Variants in GRIK1 observed in about 807,000 individuals in gnomAD.
The protein encoded by GRIK1 is glutamate receptor ionotropic, kainate 1.
GRIK1 carries 69 observed loss-of-function variants against 105.7 expected under a neutral mutation model. The observed-to-expected ratio is 0.65, with a 90% CI of 0.54 to 0.80. The LOEUF (loss-of-function observed/expected upper bound fraction) is 0.80. Among genes scored for constraint, GRIK1 ranks in the 30% least tolerant of loss-of-function variants. The pLI is 0.00. For missense variants in GRIK1, 1,109 were observed against 1,167.3 expected, an observed-to-expected ratio of 0.95 and a Z score of 0.73; for synonymous variants, 438 against 431.3, an observed-to-expected ratio of 1.02 and a Z score of -0.19.
chr21:29,818,092 C>T (rs2067201331), intron 1 of GRIK1, among the ~76,000 whole-genome samples: 1 of 152,032 alleles, frequency 6.6e-6, no homozygotes, highest in Non-Finnish European at 1.5e-5. Context: ...ACATGGTGTA[C>T]TGCATTCTAA....
intron 1 of GRIK1, among the ~76,000 whole-genome samples, chr21:29,847,232 T>C (rs924921801): frequency 3.3e-5 from 5 of 152,314 alleles, no homozygotes; most frequent in African/African-American, 9.6e-5. Flanking sequence ...TATTTTGCCT[T>C]CCTGCCTCTC....
rs557748766 is a variant in GRIK1, at chr21:29,777,708, G to A, written c.119-83645C>T. 1.2e-4 allele frequency among the ~76,000 whole-genome samples: 18 copies of A among 152,304 alleles called. No individual in the cohort carries two copies. The South Asian group carries it at 1.5e-3, about 12-fold the overall frequency. On this transcript the variant is annotated intron_variant, in intron 1 of 17. Transcript: ENST00000327783. Reference sequence around the variant, plus strand: ...ATGGCAGCACGCTGAAGGACGTTAAGTACAGGGATAACACGATCTGATCCT... The same window carrying A: ...ATGGCAGCACGCTGAAGGACGTTAAATACAGGGATAACACGATCTGATCCT...
chr21:29,731,543 A>G (rs1220336812), intron 1 of GRIK1, among the ~76,000 whole-genome samples: 1 of 152,192 alleles, frequency 6.6e-6, no homozygotes, highest in East Asian at 1.9e-4. Flanking sequence ...ATTCTTGTCT[A>G]TAGCTGATCT....
At chr21:29,575,411 A>G (rs2090866195) in intron 14 of GRIK1, among the ~76,000 whole-genome samples, 2 of 152,234 alleles carry the variant, frequency 1.3e-5, no homozygotes, top group Admixed American at 6.5e-5. Context: ...CCCTATATCC[A>G]TCTAACAAAA....
Position 29,689,673 on chromosome 21 carries a change from G to A in GRIK1, c.544+55C>T, listed in dbSNP as rs1198323408. 25 of 1,534,358 alleles carry A rather than the reference G, an allele frequency of 1.6e-5. No individual in the cohort carries two copies. The South Asian group carries it at 1.7e-4, about 10-fold the overall frequency. ...AGTTTAATGACTATTTGATACTTTC[G>A]TTCTGTTTGTTCAGAGCAGACATGG... On this transcript the variant is annotated intron_variant, in intron 3 of 17. Transcript: ENST00000327783.
chr21:29,893,997 C>G (rs1445681957), intron 1 of GRIK1, among the ~76,000 whole-genome samples: 2 of 152,034 alleles, frequency 1.3e-5, no homozygotes, highest in African/African-American at 4.8e-5. Context: ...AGGGCAGGTG[C>G]TAGGTTAGAG....
chr21:29,648,789 C>T (rs755916555), intron 6 of GRIK1, among the ~76,000 whole-genome samples: 11 of 152,050 alleles, frequency 7.2e-5, no homozygotes, highest in Non-Finnish European at 1.5e-4. Flanking sequence ...GATGGTGATT[C>T]ATGGAGGCTC....
intron 1 of GRIK1, among the ~76,000 whole-genome samples, chr21:29,906,518 T>C (rs1409154867): frequency 6.6e-6 from 1 of 152,218 alleles, no homozygotes; most frequent in Admixed American, 6.5e-5. Flanking sequence ...TTTCATCTGT[T>C]TACTGAGTTA....
intron 1 of GRIK1, among the ~76,000 whole-genome samples, chr21:29,876,308 G>A (rs1329933703): frequency 6.6e-6 from 1 of 151,946 alleles, no homozygotes. Flanking sequence ...GGCATGCACT[G>A]AGTAATCAGT....
rs143616304 is a variant in GRIK1, at chr21:29,908,451, T to A, written c.118+30932A>T. ...GGTGCTCTTCTTAGAGCTGGCCAAA[T>A]CTTCAGCACGGTGGAAAGGAAGCCG... On this transcript the variant is annotated intron_variant, in intron 1 of 17. Transcript: ENST00000327783. Among the ~76,000 whole-genome samples, 5 of 152,266 alleles carry A rather than the reference T, an allele frequency of 3.3e-5. No homozygotes were observed. The East Asian group carries it at 9.7e-4, about 29-fold the overall frequency.
intron 1 of GRIK1, among the ~76,000 whole-genome samples, chr21:29,696,509 G>A (rs1287247376): frequency 6.6e-6 from 1 of 152,210 alleles, no homozygotes; most frequent in African/African-American, 2.4e-5. Flanking sequence ...TCAACAGTGA[G>A]GTGACAAGAT....
intron 11 of GRIK1, 143 bp from the exon 12 acceptor site, chr21:29,587,732 A>AG: frequency 1.7e-6 from 1 of 605,438 alleles, no homozygotes; most frequent in Non-Finnish European, 2.9e-6. Flanking sequence ...TCTAATAAAA[A>AG]AAAGCCAATT....
chr21:29,711,395 A>T (rs552138177), intron 1 of GRIK1, among the ~76,000 whole-genome samples: 2 of 152,270 alleles, frequency 1.3e-5, no homozygotes, highest in African/African-American at 4.8e-5. Flanking sequence ...GTAATAAGCT[A>T]TGATGTTTGC....
intron 1 of GRIK1, among the ~76,000 whole-genome samples, chr21:29,743,068 T>A (rs1337223509): frequency 6.6e-6 from 1 of 151,936 alleles, no homozygotes; most frequent in Non-Finnish European, 1.5e-5. Context: ...TGTTCTTAGA[T>A]ATTTCTGCAT....
chr21:29,725,844 C>T (rs2064443615), intron 1 of GRIK1, among the ~76,000 whole-genome samples: 1 of 152,132 alleles, frequency 6.6e-6, no homozygotes, highest in African/African-American at 2.4e-5. Flanking sequence ...CTTTTCTCTC[C>T]GCAATAAATG....
At chr21:29,807,640 A>T (rs1439917379) in intron 1 of GRIK1, among the ~76,000 whole-genome samples, 3 of 152,174 alleles carry the variant, frequency 2.0e-5, no homozygotes, top group African/African-American at 7.2e-5. Context: ...TTATAAAAAA[A>T]CATAGCAACA....
At position 29,580,009 on chromosome 21, in the gene GRIK1, A is replaced by G. The variant is rs533605539; in HGVS notation, c.1912+1416T>C. On this transcript the variant is annotated intron_variant, in intron 13 of 17. Transcript: ENST00000327783. ...TGTGTATATATATGTATATATATGT[A>G]TATATATGTGTATATATGTATATAT... is the stretch of plus-strand genomic sequence containing the variant. Among the ~76,000 whole-genome samples the G allele has an allele frequency of 7.0e-3, 879 of 124,894 alleles. 12 individuals carry two copies. Among genetic ancestry groups the G allele is most frequent in the African/African-American group, 0.027 (827 of 30,100 alleles). 81.9% of individuals were successfully genotyped at this position (124,894 alleles called of 152,430 possible).
rs145156238 is a variant in GRIK1 at position 29,858,520 on chromosome 21, C to T, written c.118+80863G>A. On this transcript the variant is annotated intron_variant, in intron 1 of 17. Coordinates refer to ENST00000327783, the MANE Select transcript of GRIK1 (RefSeq NM_001330994.2). ...ATGGGGACCCAGGTATTTCTTATTT[C>T]CTCTCAGTGCTAGAAAAATACCCAG... is the stretch of plus-strand genomic sequence containing the variant. 2.7e-3 allele frequency among the ~76,000 whole-genome samples: 416 copies of T among 152,266 alleles called. 2 individuals are homozygous for T. The highest frequency in any genetic ancestry group is 9.5e-3 in the African/African-American group (395 of 41,552).
intron 4 of GRIK1, among the ~76,000 whole-genome samples, chr21:29,670,400 T>C (rs2063141180): frequency 1.3e-5 from 2 of 152,046 alleles, no homozygotes; most frequent in South Asian, 4.1e-4. Context: ...GATATTTTGC[T>C]TTTGTTTTTG....
Sources: gnomAD v4.1 joint callset for allele counts (sites outside exome capture counted in the v4.1 genomes callset) on GRCh38, gnomAD v4.1.1 for gene constraint, MANE v1.5 for transcripts, NCBI Gene and HGNC (gene_info 2026-07-23, HGNC 2026-07-21) for gene names.